Variants in TECTA observed in about 807,000 individuals in gnomAD.
TECTA encodes tectorin alpha, also known as alpha-tectorin.
In TECTA, 128 loss-of-function variants were observed where a neutral mutation model predicts 216.8. That is an observed-to-expected ratio of 0.59 (90% CI 0.51 to 0.68). The LOEUF (loss-of-function observed/expected upper bound fraction) is 0.68. TECTA is among the 30% of genes least tolerant of loss of function. The probability of loss-of-function intolerance (pLI) is 0.00; values close to 1 mark genes in which losing one functional copy is unlikely to be tolerated. For synonymous variants in TECTA, 1,089 were observed against 1,117.1 expected, an observed-to-expected ratio of 0.97 and a Z score of 0.50; for missense variants, 2,551 against 2,786.2, an observed-to-expected ratio of 0.92 and a Z score of 1.90.
intron 6 of TECTA, among the ~76,000 whole-genome samples, chr11:121,115,676 G>T (rs919869976): frequency 1.3e-5 from 2 of 152,082 alleles, no homozygotes; most frequent in African/African-American, 4.8e-5. Flanking sequence ...AGGAGACAGG[G>T]TCTCTCTCTG....
intron 20 of TECTA, among the ~76,000 whole-genome samples, chr11:121,172,638 G>A (rs1194617222): frequency 4.6e-5 from 7 of 150,766 alleles, no homozygotes; most frequent in South Asian, 2.1e-4. Context: ...GAATAGTGCC[G>A]CAATAAACAT....
chr11:121,154,614 G>T (rs540191751), intron 13 of TECTA, among the ~76,000 whole-genome samples: 17 of 152,340 alleles, frequency 1.1e-4, no homozygotes, highest in African/African-American at 3.8e-4. Context: ...CATCCTGAGT[G>T]TCAGTGTGGC....
At chr11:121,108,768 AC>A (rs1946415429) in intron 3 of TECTA, among the ~76,000 whole-genome samples, 2 of 150,596 alleles carry the variant, frequency 1.3e-5, no homozygotes, top group South Asian at 4.2e-4. Flanking sequence ...ACACACACAC[AC>A]CATCACCAGA....
Position 121,160,212 on chromosome 11 carries a change from G to A in TECTA, c.4767G>A (p.Val1589=), listed in dbSNP as rs765794818. Residue 1589 remains valine, a synonymous_variant, in exon 15 of 24, where the codon GTG becomes GTA. Transcript: ENST00000392793. ...TKIYSSEGFL[V]IDTSPDIQIY... is the part of the protein sequence containing the mutation. ...TCTACAGCAGTGAGGGGTTTCTGGTGATTGACACCAGCCCAGACATCCAGA... is the reference window on the plus strand; with the variant it reads ...TCTACAGCAGTGAGGGGTTTCTGGTAATTGACACCAGCCCAGACATCCAGA... 19 of 1,614,200 alleles carry A rather than the reference G, an allele frequency of 1.2e-5. No homozygotes were observed. In the South Asian group the frequency reaches 2.0e-4, roughly 17 times the overall value.
chr11:121,130,443 A>G (rs1298638471), intron 10 of TECTA, among the ~76,000 whole-genome samples: 2 of 152,214 alleles, frequency 1.3e-5, no homozygotes, highest in Admixed American at 1.3e-4. Flanking sequence ...CTGCAGAACA[A>G]TTAACCATCC....
chr11:121,128,066 G>A lies in TECTA; in HGVS notation c.2089G>A (p.Ala697Thr), dbSNP rs149935047. 4 of 1,612,552 alleles carry A rather than the reference G, an allele frequency of 2.5e-6. No homozygotes were observed. Among genetic ancestry groups the A allele is most frequent in the East Asian group, 2.2e-5 (1 of 44,886 alleles). Residue 697 changes from alanine to threonine, a missense_variant, in exon 9 of 24, where the codon GCC becomes ACC. Coordinates refer to ENST00000392793, the MANE Select transcript of TECTA (RefSeq NM_005422.4). Reference sequence around the variant, plus strand: ...GACCTGCGGCAGCGGGGAGGTGTGCGCCGTGGAGGACGGCTACCAGGGCTG... The same window carrying A: ...GACCTGCGGCAGCGGGGAGGTGTGCACCGTGGAGGACGGCTACCAGGGCTG... ...NKTCGSGEVCAVEDGYQGCFP... is the reference protein window; with the variant it reads ...NKTCGSGEVCTVEDGYQGCFP...
intron 23 of TECTA, chr11:121,190,115 T>A (rs1015252154): frequency 9.6e-6 from 5 of 522,112 alleles, no homozygotes; most frequent in South Asian, 2.1e-5. Flanking sequence ...AAAGGTAATT[T>A]AAAAAAACAA....
chr11:121,104,242 A>G (rs1420742398), intron 2 of TECTA, among the ~76,000 whole-genome samples: 1 of 150,220 alleles, frequency 6.7e-6, no homozygotes, highest in Non-Finnish European at 1.5e-5. Flanking sequence ...AGTAGAGATT[A>G]TAAAGATTTT....
chr11:121,180,833 C>A (rs1380609253), intron 20 of TECTA, among the ~76,000 whole-genome samples: 1 of 76,302 alleles, frequency 1.3e-5, no homozygotes, highest in African/African-American at 5.1e-5. Context: ...TTTTTTTTTG[C>A]CTGACTAGGT....
rs749054269 is a variant in TECTA, at chr11:121,145,588, C to T, written c.3577C>T (p.Leu1193=). 1.1e-5 allele frequency: 17 copies of T among 1,614,186 alleles called. No homozygotes were observed. Among genetic ancestry groups the T allele is most frequent in the Non-Finnish European group, 1.4e-5 (17 of 1,180,036 alleles). Residue 1193 remains leucine (L), a synonymous_variant, in exon 12 of 24, where the codon CTG becomes TTG. Coordinates refer to ENST00000392793, the MANE Select transcript of TECTA (RefSeq NM_005422.4). ...TGAACGGCTCTATCTGCCCCTGAAGCTGGGGCAAGGGAAGATAAATATCTT... is the reference window on the plus strand; with the variant it reads ...TGAACGGCTCTATCTGCCCCTGAAGTTGGGGCAAGGGAAGATAAATATCTT... ...NSERLYLPLK[L]GQGKINIFSF... is the part of the protein sequence containing the mutation.
At chr11:121,162,715 T>A (rs1947014061) in intron 16 of TECTA, among the ~76,000 whole-genome samples, 1 of 152,208 alleles carries the variant, frequency 6.6e-6, no homozygotes, top group Non-Finnish European at 1.5e-5. Context: ...CAGCTCCACC[T>A]TGGCTCCTTT....
chr11:121,144,392 A>G (rs1485126206), intron 11 of TECTA, among the ~76,000 whole-genome samples: 2 of 152,190 alleles, frequency 1.3e-5, no homozygotes, highest in Non-Finnish European at 2.9e-5. Flanking sequence ...GTGAAAGGTG[A>G]TAAGAGTCTG....
At chr11:121,182,561 G>A (rs1214544000) in intron 20 of TECTA, among the ~76,000 whole-genome samples, 1 of 152,204 alleles carries the variant, frequency 6.6e-6, no homozygotes, top group African/African-American at 2.4e-5. Flanking sequence ...CCTTGATAAT[G>A]TGTGTGAGCA....
intron 11 of TECTA, among the ~76,000 whole-genome samples, chr11:121,143,784 G>C (rs1449980430): frequency 6.6e-6 from 1 of 152,212 alleles, no homozygotes; most frequent in Non-Finnish European, 1.5e-5. Context: ...TGTTGTCTTA[G>C]GTCAGGTTCC....
At chr11:121,145,006 G>A (rs1053085937) in intron 11 of TECTA, among the ~76,000 whole-genome samples, 6 of 152,252 alleles carry the variant, frequency 3.9e-5, no homozygotes, top group Admixed American at 2.6e-4. Context: ...TCTGACCACG[G>A]GCTCAGAAAA....
chr11:121,128,110 C>T lies in TECTA; in HGVS notation c.2133C>T (p.Thr711=), dbSNP rs1946632919. The T allele has an allele frequency of 3.1e-6, 5 of 1,612,890 alleles. No homozygotes were observed. The highest frequency in any genetic ancestry group is 2.2e-5 in the East Asian group (1 of 44,896). Reference sequence around the variant, plus strand: ...AGGGCTGCTTCCCCAAGCGGGAGACCGTGTGCCTGCTCAGCCAGAACCAGG... The same window carrying T: ...AGGGCTGCTTCCCCAAGCGGGAGACTGTGTGCCTGCTCAGCCAGAACCAGG... The part of the protein sequence containing the change: ...GYQGCFPKRE[T]VCLLSQNQVL... The change falls in exon 9 of 24, where the codon ACC becomes ACT. Residue 711 remains threonine, a synonymous_variant. Coordinates refer to ENST00000392793, the MANE Select transcript of TECTA (RefSeq NM_005422.4).
chr11:121,103,577 G>C (rs898478754), intron 2 of TECTA, among the ~76,000 whole-genome samples: 1 of 151,564 alleles, frequency 6.6e-6, no homozygotes, highest in Non-Finnish European at 1.5e-5. Flanking sequence ...CATTTTATTT[G>C]GTGGGAAAAA....
At chr11:121,186,704 A>G (rs1260756786) in intron 20 of TECTA, among the ~76,000 whole-genome samples, 3 of 152,258 alleles carry the variant, frequency 2.0e-5, no homozygotes, top group African/African-American at 7.2e-5. Context: ...GGCTAATTAC[A>G]AAACATATTA....
At chr11:121,110,331 G>C (rs939470188) in intron 4 of TECTA, 1 of 152,158 alleles carries the variant, frequency 6.6e-6, no homozygotes. Flanking sequence ...CACTTACTTA[G>C]GATTATTTCC....
Sources: gnomAD v4.1 joint callset for allele counts (sites outside exome capture counted in the v4.1 genomes callset) on GRCh38, gnomAD v4.1.1 for gene constraint, MANE v1.5 for transcripts, NCBI Gene and HGNC (gene_info 2026-07-23, HGNC 2026-07-21) for gene names.